Variants in PDE4D observed in about 807,000 individuals in gnomAD.
The protein encoded by PDE4D is 3',5'-cyclic-AMP phosphodiesterase 4D.
Under a neutral mutation model 87.4 loss-of-function variants are expected in PDE4D, and 24 were observed. The observed-to-expected ratio is 0.27, with a 90% confidence interval of 0.20 to 0.39. The LOEUF (loss-of-function observed/expected upper bound fraction) is 0.39. PDE4D is among the 10% of genes least tolerant of loss of function. The pLI is 1.00. For missense variants in PDE4D, 714 were observed against 1,041.0 expected, an observed-to-expected ratio of 0.69 and a Z score of 4.32; for synonymous variants, 384 against 383.2, an observed-to-expected ratio of 1.00 and a Z score of -0.02.
intron 1 of PDE4D, among the ~76,000 whole-genome samples, chr5:60,370,759 A>ATGTGTGTGTG (rs139182100): frequency 6.7e-6 from 1 of 150,132 alleles, no homozygotes; most frequent in Non-Finnish European, 1.5e-5. Flanking sequence ...TTTTGTGTAT[A>ATGTGTGTGTG]TGTGTGTGTG....
At chr5:59,446,969 C>T (rs1034128665) in intron 1 of PDE4D, among the ~76,000 whole-genome samples, 1 of 152,152 alleles carries the variant, frequency 6.6e-6, no homozygotes, top group Admixed American at 6.5e-5. Flanking sequence ...TTTCACATTC[C>T]TTTAGTGCAC....
intron 1 of PDE4D, among the ~76,000 whole-genome samples, chr5:59,825,090 C>T (rs1488983706): frequency 2.0e-5 from 3 of 152,200 alleles, no homozygotes; most frequent in East Asian, 1.9e-4. Context: ...CTGGTCTCTG[C>T]GTGTCAATTG....
intron 4 of PDE4D, among the ~76,000 whole-genome samples, chr5:59,182,083 A>G (rs1453116128): frequency 6.6e-6 from 1 of 152,160 alleles, no homozygotes; most frequent in Non-Finnish European, 1.5e-5. Context: ...TTGATTGAAA[A>G]TGCACCAAAT....
intron 1 of PDE4D, among the ~76,000 whole-genome samples, chr5:59,427,292 TACACACACACACACACAC>T (rs60646746): frequency 2.9e-4 from 38 of 132,358 alleles, no homozygotes; most frequent in South Asian, 1.1e-3. Context: ...AGTGATTTTA[TACACACACACACACACAC>T]ACACACACAC....
At chr5:60,292,867 G>A (rs895770126) in intron 1 of PDE4D, among the ~76,000 whole-genome samples, 1 of 152,078 alleles carries the variant, frequency 6.6e-6, no homozygotes, top group Non-Finnish European at 1.5e-5. Context: ...TAATCATGTT[G>A]TTGTTGGAAC....
intron 1 of PDE4D, among the ~76,000 whole-genome samples, chr5:59,878,960 G>A (rs1749029641): frequency 7.8e-6 from 1 of 127,664 alleles, no homozygotes; most frequent in Non-Finnish European, 1.6e-5. Flanking sequence ...ATGCAGTGAC[G>A]CGATCTCGGC....
chr5:59,371,186 A>G (rs1234768243), intron 1 of PDE4D, among the ~76,000 whole-genome samples: 1 of 152,232 alleles, frequency 6.6e-6, no homozygotes, highest in African/African-American at 2.4e-5. Flanking sequence ...AATGATAGTT[A>G]GGAAAAGAAA....
intron 2 of PDE4D, among the ~76,000 whole-genome samples, chr5:60,159,745 G>C (rs931058854): frequency 1.3e-5 from 2 of 152,072 alleles, no homozygotes; most frequent in African/African-American, 4.8e-5. Context: ...ATAATATTCA[G>C]CTGAGCAAAG....
chr5:60,253,454 A>T (rs1182331014), intron 1 of PDE4D, among the ~76,000 whole-genome samples: 1 of 151,868 alleles, frequency 6.6e-6, no homozygotes, highest in East Asian at 1.9e-4. Flanking sequence ...GACTGGCCCT[A>T]AAATGTATGT....
At chr5:60,403,547 C>T (rs1431799717) in intron 1 of PDE4D, among the ~76,000 whole-genome samples, 2 of 152,212 alleles carry the variant, frequency 1.3e-5, no homozygotes, top group Non-Finnish European at 2.9e-5. Flanking sequence ...GTTCTGTGTG[C>T]CAGGTCTTGC....
chr5:60,290,874 T>C (rs1375634794), intron 1 of PDE4D, among the ~76,000 whole-genome samples: 1 of 152,100 alleles, frequency 6.6e-6, no homozygotes, highest in Non-Finnish European at 1.5e-5. Flanking sequence ...CATAATGATT[T>C]TTAAAAATAC....
chr5:60,283,425 C>A (rs1252480865), intron 1 of PDE4D, among the ~76,000 whole-genome samples: 2 of 152,112 alleles, frequency 1.3e-5, no homozygotes, highest in Non-Finnish European at 2.9e-5. Context: ...GAACTGTCTG[C>A]TCCTAATCAT....
chr5:59,759,233 T>TA (rs1416545664), intron 1 of PDE4D, among the ~76,000 whole-genome samples: 2 of 152,082 alleles, frequency 1.3e-5, no homozygotes, highest in Non-Finnish European at 2.9e-5. Context: ...ACACAAAGAA[T>TA]ATTTTTTAAA....
chr5:59,176,151 G>A (rs1783850515), intron 5 of PDE4D, among the ~76,000 whole-genome samples: 1 of 152,098 alleles, frequency 6.6e-6, no homozygotes, highest in Non-Finnish European at 1.5e-5. Context: ...TTACTTTTAA[G>A]GAATTGTTAG....
chr5:60,258,093 G>A (rs1471040576), intron 1 of PDE4D, among the ~76,000 whole-genome samples: 1 of 151,928 alleles, frequency 6.6e-6, no homozygotes, highest in Non-Finnish European at 1.5e-5. Context: ...AGAAAGAGGG[G>A]ACTGTTTAGT....
At chr5:60,166,356 T>C (rs1399902131) in intron 2 of PDE4D, among the ~76,000 whole-genome samples, 2 of 152,218 alleles carry the variant, frequency 1.3e-5, no homozygotes, top group African/African-American at 4.8e-5. Flanking sequence ...ACACTTTTAC[T>C]TTTAACAGGT....
intron 1 of PDE4D, among the ~76,000 whole-genome samples, chr5:59,670,599 T>A (rs1035156190): frequency 6.6e-6 from 1 of 152,276 alleles, no homozygotes; most frequent in Middle Eastern, 3.4e-3. Context: ...TGTGTATGCA[T>A]GTATTCCAAA....
At chr5:59,670,728 A>G (rs188800511) in intron 1 of PDE4D, among the ~76,000 whole-genome samples, 15 of 152,338 alleles carry the variant, frequency 9.8e-5, no homozygotes, top group Non-Finnish European at 2.1e-4. Context: ...GAGAAATGTA[A>G]TTATAATAAA....
rs149271974 is a variant in PDE4D at position 59,065,902 on chromosome 5, T to C, written c.809-26931A>G. Among the ~76,000 whole-genome samples, 433 of 152,270 alleles carry C rather than the reference T, an allele frequency of 2.8e-3. 5 individuals are homozygous for C. Among genetic ancestry groups the C allele is most frequent in the African/African-American group, 0.01 (427 of 41,552 alleles). ...TCCTTGGTAACTAGACCTTCTTTAA[T>C]TGGATCTAAGAATTAATATTCCTAT... On this transcript the variant is annotated intron_variant, in intron 5 of 14. Transcript: ENST00000340635.
Sources: gnomAD v4.1 joint callset for allele counts (sites outside exome capture counted in the v4.1 genomes callset) on GRCh38, gnomAD v4.1.1 for gene constraint, MANE v1.5 for transcripts, NCBI Gene and HGNC (gene_info 2026-07-23, HGNC 2026-07-21) for gene names.